TMX4: variants seen among roughly 807,000 people sequenced by gnomAD.
The protein encoded by TMX4 is thioredoxin related transmembrane protein 4.
A neutral mutation model predicts 33.3 loss-of-function variants in TMX4; 23 were observed. The ratio of observed to expected loss-of-function variants is 0.69; its 90% confidence interval spans 0.50 to 0.98. TMX4 has a LOEUF of 0.98. TMX4 is among the 50% of genes least tolerant of loss of function. The probability of loss-of-function intolerance (pLI) is 0.00; values close to 1 mark genes in which losing one functional copy is unlikely to be tolerated. For missense variants in TMX4, 399 were observed against 448.9 expected (o/e 0.89, Z 1.01); for synonymous variants, 164 against 161.5 (o/e 1.02, Z -0.12).
At chr20:8,017,059 G>T (rs1342144507) in intron 1 of TMX4, among the ~76,000 whole-genome samples, 1 of 152,118 alleles carries the variant, frequency 6.6e-6, no homozygotes, top group Non-Finnish European at 1.5e-5. Context: ...GCCTCTAGTG[G>T]TATGGAGGAT....
At chr20:8,019,234 G>A (rs1009825728) in intron 1 of TMX4, 2 of 588,504 alleles carry the variant, frequency 3.4e-6, no homozygotes, top group Non-Finnish European at 5.5e-6. Context: ...TTGGTAAGGC[G>A]GGTCCGCGGA....
In TMX4 at chr20:8,006,012, T is replaced by G. The variant is rs80068621; in HGVS notation, c.292+4188A>C. The stretch of plus-strand genomic sequence containing the variant: ...CTGTCCCTGTGATAAGGCAGGGGGG[T>G]GTCTAATTGAGCTGACGAACACAAG... On this transcript the variant is annotated intron_variant, in intron 2 of 7. Transcript: ENST00000246024. Among the ~76,000 whole-genome samples the G allele has an allele frequency of 2.0e-4, 22 of 108,610 alleles. No individual in the cohort carries two copies. In the East Asian group the frequency reaches 3.9e-3, roughly 19 times the overall value. The allele number at this position is 108,610 out of a possible 152,430, so 71.3% of individuals were successfully genotyped here. A position where few individuals can be genotyped will look rare whatever the true frequency, so the allele number is the denominator to read the frequency against.
chr20:8,005,117 T>C (rs1029711362), intron 2 of TMX4, among the ~76,000 whole-genome samples: 1 of 152,196 alleles, frequency 6.6e-6, no homozygotes, highest in African/African-American at 2.4e-5. Context: ...GCTTCTGCAT[T>C]AATCAGTAGT....
chr20:7,996,012 T>G lies in TMX4; in HGVS notation c.513+14A>C, dbSNP rs767705824. 3 of 1,593,466 alleles carry G rather than the reference T, an allele frequency of 1.9e-6. No homozygotes were observed. In the Admixed American group the frequency reaches 5.2e-5, roughly 28 times the overall value. ...CTCTCTGCAAATATAAACGTTTTAT[T>G]TAAGATTACTTACCCATATCTTGCC... On this transcript the variant is annotated intron_variant, in intron 5 of 7. Coordinates refer to ENST00000246024, the MANE Select transcript of TMX4 (RefSeq NM_021156.4).
intron 1 of TMX4, among the ~76,000 whole-genome samples, chr20:8,013,611 T>G (rs970430697): frequency 1.3e-5 from 2 of 152,208 alleles, no homozygotes; most frequent in African/African-American, 4.8e-5. Context: ...CCGTGTTTTG[T>G]TGATGGAACG....
At chr20:8,010,417 GAA>G in intron 1 of TMX4, 102 bp from the exon 2 acceptor site, 1 of 737,798 alleles carries the variant, frequency 1.4e-6, no homozygotes, top group South Asian at 4.3e-5. Context: ...TTAAAAAAGG[GAA>G]ATTATAAAAG....
At chr20:7,990,554 A>T (rs2050650259) in intron 5 of TMX4, among the ~76,000 whole-genome samples, 1 of 152,170 alleles carries the variant, frequency 6.6e-6, no homozygotes, top group Non-Finnish European at 1.5e-5. Context: ...TTCCCTCCCC[A>T]GAAAGGCAAG....
chr20:8,002,287 T>C (rs543773892), intron 2 of TMX4, among the ~76,000 whole-genome samples: 95 of 152,262 alleles, frequency 6.2e-4, no homozygotes, highest in African/African-American at 2.2e-3. Flanking sequence ...TCAAGACACA[T>C]GGATGAATAA....
At chr20:7,991,689 G>T (rs1183669603) in intron 5 of TMX4, among the ~76,000 whole-genome samples, 1 of 152,168 alleles carries the variant, frequency 6.6e-6, no homozygotes, top group Non-Finnish European at 1.5e-5. Flanking sequence ...TTCCACGTTG[G>T]CTATAAAGAG....
At chr20:8,016,200 T>C (rs1309495123) in intron 1 of TMX4, among the ~76,000 whole-genome samples, 1 of 152,184 alleles carries the variant, frequency 6.6e-6, no homozygotes, top group East Asian at 1.9e-4. Flanking sequence ...TTTTTCCTAA[T>C]TCAGAAAAAG....
chr20:8,007,962 G>A (rs2050737544), intron 2 of TMX4, among the ~76,000 whole-genome samples: 1 of 152,174 alleles, frequency 6.6e-6, no homozygotes. Context: ...GCTCCATGAG[G>A]AGCAAGGCCT....
chr20:7,984,192 T>C (rs1157703860), intron 6 of TMX4, among the ~76,000 whole-genome samples: 1 of 152,244 alleles, frequency 6.6e-6, no homozygotes, highest in African/African-American at 2.4e-5. Flanking sequence ...ACTCTGTATA[T>C]AGGCTGCCCC....
At position 7,978,102 on chromosome 20, in the gene TMX4, G is replaced by A. The variant is rs1326023926; in HGVS notation, c.*4149C>T. The A allele has an allele frequency of 6.6e-6, 1 of 152,176 alleles. No homozygotes were observed. The highest frequency in any genetic ancestry group is 1.5e-5 in the Non-Finnish European group (1 of 68,036). 9.4% of individuals were successfully genotyped at this position (152,176 alleles called of 1,614,324 possible). On this transcript the variant is annotated 3_prime_UTR_variant, in exon 8 of 8. Coordinates refer to ENST00000246024, the MANE Select transcript of TMX4 (RefSeq NM_021156.4). ...ACTTTTCTGTTGGCATAAGAGATTT[G>A]AATGAATTCTTTCGAAAATGTTGGT... is the stretch of plus-strand genomic sequence containing the variant.
At chr20:8,007,427 T>C (rs1356351909) in intron 2 of TMX4, among the ~76,000 whole-genome samples, 1 of 152,206 alleles carries the variant, frequency 6.6e-6, no homozygotes, top group Non-Finnish European at 1.5e-5. Flanking sequence ...TTCTCCCTGC[T>C]TTCTTCTGAT....
At chr20:8,014,825 G>A (rs1043019970) in intron 1 of TMX4, among the ~76,000 whole-genome samples, 1 of 152,186 alleles carries the variant, frequency 6.6e-6, no homozygotes, top group Admixed American at 6.5e-5. Context: ...CTACCCTCAT[G>A]TGAGTCAGGG....
chr20:7,984,467 T>G (rs1393286722), intron 6 of TMX4, among the ~76,000 whole-genome samples: 2 of 152,136 alleles, frequency 1.3e-5, no homozygotes, highest in Non-Finnish European at 2.9e-5. Flanking sequence ...GCTTGGTGGG[T>G]TGGAGAACAA....
intron 1 of TMX4, among the ~76,000 whole-genome samples, chr20:8,017,122 G>C (rs1460640105): frequency 1.3e-5 from 2 of 152,068 alleles, no homozygotes; most frequent in Non-Finnish European, 2.9e-5. Context: ...CAGCAAGGAG[G>C]AGGAGTATCA....
chr20:8,018,343 GA>G lies in TMX4; in HGVS notation c.176+1094del, dbSNP rs1411217379. On this transcript the variant is annotated intron_variant, in intron 1 of 7. Transcript: ENST00000246024. ...AGAGACAGAGAGAGAGAGAGAGAGA[GA>G]GGAGGGAGAGAGAGAGAGAGAGAGG... is the stretch of plus-strand genomic sequence containing the variant. 1.3e-3 allele frequency among the ~76,000 whole-genome samples: 118 copies of G among 88,326 alleles called. 3 individuals carry two copies. Among genetic ancestry groups the G allele is most frequent in the East Asian group, 0.011 (8 of 726 alleles). 57.9% of individuals were successfully genotyped at this position (88,326 alleles called of 152,430 possible).
intron 1 of TMX4, among the ~76,000 whole-genome samples, chr20:8,016,067 A>G (rs1309649808): frequency 6.6e-6 from 1 of 152,262 alleles, no homozygotes; most frequent in Non-Finnish European, 1.5e-5. Flanking sequence ...CAGGACTGAC[A>G]TAATGAGAGC....
Sources: gnomAD v4.1 joint callset for allele counts (sites outside exome capture counted in the v4.1 genomes callset) on GRCh38, gnomAD v4.1.1 for gene constraint, MANE v1.5 for transcripts, NCBI Gene and HGNC (gene_info 2026-07-23, HGNC 2026-07-21) for gene names.